Variants in CFAP299 observed in about 807,000 individuals in gnomAD.
CFAP299 encodes the protein cilia and flagella associated protein 299.
Under a neutral mutation model 27.0 loss-of-function variants are expected in CFAP299, and 21 were observed. The ratio of observed to expected loss-of-function variants is 0.78; its 90% CI spans 0.55 to 1.12. CFAP299 has a LOEUF of 1.12. Among genes scored for constraint, CFAP299 ranks in the 50% most tolerant of loss-of-function variants. The probability of loss-of-function intolerance (pLI) is 0.00; values close to 1 mark genes in which losing one functional copy is unlikely to be tolerated. For missense variants in CFAP299, 310 were observed against 276.6 expected, an observed-to-expected ratio of 1.12 and a Z score of -0.86; for synonymous variants, 104 against 98.1, an observed-to-expected ratio of 1.06 and a Z score of -0.36.
At position 80,944,823 on chromosome 4, in the gene CFAP299, G is replaced by A; in HGVS notation, c.490G>A (p.Asp164Asn). 1 of 1,603,564 alleles carries A rather than the reference G, an allele frequency of 6.2e-7. No homozygotes were observed. The highest frequency in any genetic ancestry group is 8.5e-7 in the Non-Finnish European group (1 of 1,173,252). The change falls in exon 5 of 6, where the codon GAC becomes AAC. Residue 164 changes from aspartate to asparagine, a missense_variant. Asp to Asn is a conservative substitution (Grantham distance 23). Coordinates refer to ENST00000358105, the MANE Select transcript of CFAP299 (RefSeq NM_152770.3). The stretch of plus-strand genomic sequence containing the variant: ...TTATTTTTATAGCTTTTACAACTGG[G>A]ACGCTGATATTGCTGTTAGTAATTC... ...RPTDISFYNWDADIAVSNSSP... is the reference protein window; with the variant it reads ...RPTDISFYNWNADIAVSNSSP...
chr4:80,883,086 A>ATG (rs1733793088), intron 4 of CFAP299, among the ~76,000 whole-genome samples: 3 of 152,186 alleles, frequency 2.0e-5, no homozygotes, highest in Non-Finnish European at 4.4e-5. Flanking sequence ...CAATATAACT[A>ATG]CAATAATTTG....
chr4:80,889,196 GT>G (rs144677095), intron 4 of CFAP299, among the ~76,000 whole-genome samples: 7,214 of 150,680 alleles, frequency 0.048, 510 homozygotes, highest in African/African-American at 0.15. Flanking sequence ...CAAAATAAAA[GT>G]TTTTTTTTAA....
chr4:80,555,013 C>G (rs2110214004), intron 2 of CFAP299, among the ~76,000 whole-genome samples: 1 of 152,240 alleles, frequency 6.6e-6, no homozygotes, highest in Admixed American at 6.5e-5. Flanking sequence ...CCTGATTGCT[C>G]TGGCTGGGAT....
intron 2 of CFAP299, among the ~76,000 whole-genome samples, chr4:80,448,082 A>G (rs562733858): frequency 4.0e-4 from 61 of 152,322 alleles, no homozygotes; most frequent in Middle Eastern, 3.4e-3. Context: ...TACACTGTCA[A>G]TGCATTCTCT....
chr4:80,468,833 CAAA>C (rs762711937), intron 2 of CFAP299, among the ~76,000 whole-genome samples: 44 of 70,490 alleles, frequency 6.2e-4, no homozygotes, highest in Admixed American at 1.6e-3. Context: ...GACTCTGTCT[CAAA>C]AAAAAAAAAA....
intron 3 of CFAP299, among the ~76,000 whole-genome samples, chr4:80,787,919 CTG>C (rs1207544838): frequency 6.6e-6 from 1 of 151,860 alleles, no homozygotes; most frequent in Non-Finnish European, 1.5e-5. Context: ...TCTTTCATAT[CTG>C]TGAGATAAGT....
chr4:80,420,405 G>T, intron 2 of CFAP299: 1 of 260,616 alleles, frequency 3.8e-6, no homozygotes, highest in Non-Finnish European at 8.0e-6. Flanking sequence ...TTTTGGGTGA[G>T]ATATTTTTAT....
chr4:80,938,116 T>A (rs1209726692), intron 4 of CFAP299, among the ~76,000 whole-genome samples: 1 of 152,248 alleles, frequency 6.6e-6, no homozygotes, highest in African/African-American at 2.4e-5. Flanking sequence ...TTATTTTTAA[T>A]ACTTTTTTCT....
At chr4:80,393,357 G>A (rs1475368087) in intron 2 of CFAP299, among the ~76,000 whole-genome samples, 1 of 152,060 alleles carries the variant, frequency 6.6e-6, no homozygotes, top group Non-Finnish European at 1.5e-5. Context: ...TAACAATTTT[G>A]TGTAAATTTA....
At chr4:80,799,824 A>G (rs1257891151) in intron 3 of CFAP299, among the ~76,000 whole-genome samples, 1 of 38,512 alleles carries the variant, frequency 2.6e-5, no homozygotes, top group Non-Finnish European at 4.2e-5. Context: ...TATATATTAT[A>G]TATATTTATA....
At chr4:80,757,614 T>A (rs1000230136) in intron 3 of CFAP299, among the ~76,000 whole-genome samples, 8 of 152,226 alleles carry the variant, frequency 5.3e-5, no homozygotes, top group African/African-American at 1.9e-4. Flanking sequence ...GGTCAGTTAA[T>A]CTAGTGGTAT....
chr4:80,524,728 C>G (rs1260915208), intron 2 of CFAP299, among the ~76,000 whole-genome samples: 2 of 152,170 alleles, frequency 1.3e-5, no homozygotes, highest in Non-Finnish European at 2.9e-5. Flanking sequence ...GGATCATCTT[C>G]ATTACTCTAG....
Position 80,963,091 on chromosome 4 carries a change from C to CACTTTT in CFAP299, c.607-425_607-424insCTTTTA, listed in dbSNP as rs1738426107. Among the ~76,000 whole-genome samples the CACTTTT allele has an allele frequency of 2.0e-5, 3 of 152,170 alleles. No homozygotes were observed. The East Asian group carries it at 5.8e-4, about 29-fold the overall frequency. The stretch of plus-strand genomic sequence containing the variant: ...TGCTTTATGTAAAACCCACCATGGA[C>CACTTTT]AGACACTTCCACTGATCTAAATCAA... On this transcript the variant is annotated intron_variant, in intron 5 of 5. Coordinates refer to ENST00000358105, the MANE Select transcript of CFAP299 (RefSeq NM_152770.3).
chr4:80,392,592 A>C (rs1378868953), intron 2 of CFAP299, among the ~76,000 whole-genome samples: 1 of 152,112 alleles, frequency 6.6e-6, no homozygotes, highest in Non-Finnish European at 1.5e-5. Context: ...TGCTGCCGTC[A>C]TGTGAAGATG....
At chr4:80,437,542 G>GT (rs1728151006) in intron 2 of CFAP299, among the ~76,000 whole-genome samples, 1 of 152,192 alleles carries the variant, frequency 6.6e-6, no homozygotes, top group African/African-American at 2.4e-5. Flanking sequence ...CGTTGCAGAA[G>GT]AGGGATCCTG....
At position 80,953,737 on chromosome 4, in the gene CFAP299, C is replaced by T. The variant is rs192096762; in HGVS notation, c.606+8798C>T. Among the ~76,000 whole-genome samples, 228 of 152,026 alleles carry T rather than the reference C, an allele frequency of 1.5e-3. 1 individual carries two copies. Among genetic ancestry groups the T allele is most frequent in the Non-Finnish European group, 2.9e-3 (199 of 67,962 alleles). On this transcript the variant is annotated intron_variant, in intron 5 of 5. Coordinates refer to ENST00000358105, the MANE Select transcript of CFAP299 (RefSeq NM_152770.3). ...GTAAGCTACACGAAAGAAAAAAATACATATATATTTTTTGAATTTTGAATT... is the reference window on the plus strand; with the variant it reads ...GTAAGCTACACGAAAGAAAAAAATATATATATATTTTTTGAATTTTGAATT...
intron 2 of CFAP299, among the ~76,000 whole-genome samples, chr4:80,378,357 T>G (rs1724529198): frequency 6.6e-6 from 1 of 152,156 alleles, no homozygotes; most frequent in Non-Finnish European, 1.5e-5. Context: ...GATCATAAAT[T>G]AAACCTTTTA....
intron 3 of CFAP299, among the ~76,000 whole-genome samples, chr4:80,866,062 TATA>T (rs1732716401): frequency 2.0e-5 from 1 of 49,320 alleles, no homozygotes; most frequent in African/African-American, 2.1e-4. Flanking sequence ...TAAAGTATTA[TATA>T]TATATATATA....
chr4:80,478,364 G>T (rs917470675), intron 2 of CFAP299, among the ~76,000 whole-genome samples: 2 of 151,786 alleles, frequency 1.3e-5, no homozygotes, highest in African/African-American at 4.8e-5. Flanking sequence ...TTTTTTGTTT[G>T]ATAGCCTTTT....
Sources: allele counts gnomAD v4.1 joint callset (sites outside exome capture counted in the v4.1 genomes callset), GRCh38; gene constraint gnomAD v4.1.1; transcripts MANE v1.5; gene names NCBI Gene and HGNC (gene_info 2026-07-23, HGNC 2026-07-21).